ZNF609: variants seen among roughly 807,000 people sequenced by gnomAD.
ZNF609 encodes the protein zinc finger protein 609.
Under a neutral mutation model 109.5 loss-of-function variants are expected in ZNF609, and 11 were observed. The ratio of observed to expected loss-of-function variants is 0.10; its 90% confidence interval spans 0.06 to 0.17. ZNF609 has a LOEUF of 0.17. Ranked by LOEUF, ZNF609 falls within the 10% of genes least tolerant of loss-of-function variation. The pLI is 1.00. For synonymous variants in ZNF609, 646 were observed against 662.0 expected, an observed-to-expected ratio of 0.98 and a Z score of 0.37; for missense variants, 1,559 against 1,772.4, an observed-to-expected ratio of 0.88 and a Z score of 2.16.
In ZNF609 at chr15:64,659,025, C is replaced by T. The variant is rs190944640; in HGVS notation, c.974-11321C>T. Among the ~76,000 whole-genome samples the T allele has an allele frequency of 3.9e-3, 591 of 152,074 alleles. 4 individuals are homozygous for T. The highest frequency in any genetic ancestry group is 0.011 in the African/African-American group (455 of 41,474). ...GGCCAGGCTAGTGTCCAACTGGCCT[C>T]AAGTGATCTGCTCACCTCAGCCTCC... On this transcript the variant is annotated intron_variant, in intron 3 of 9. Transcript: ENST00000326648.
chr15:64,506,445 G>T (rs994832981), intron 2 of ZNF609, among the ~76,000 whole-genome samples: 2 of 150,050 alleles, frequency 1.3e-5, no homozygotes, highest in Non-Finnish European at 3.0e-5. Flanking sequence ...TTTAGGCCGG[G>T]CGCGGTGGCT....
intron 3 of ZNF609, among the ~76,000 whole-genome samples, chr15:64,653,666 A>AT: frequency 6.6e-6 from 1 of 151,922 alleles, no homozygotes; most frequent in African/African-American, 2.4e-5. Context: ...AAATAAATAA[A>AT]AAATAAACTT....
chr15:64,627,562 G>GA (rs1037892487), intron 3 of ZNF609, among the ~76,000 whole-genome samples: 66 of 151,718 alleles, frequency 4.4e-4, no homozygotes, highest in African/African-American at 1.6e-3. Flanking sequence ...TATGACCTTG[G>GA]AAAAATCCCT....
chr15:64,597,742 A>C (rs1424482400), intron 2 of ZNF609, among the ~76,000 whole-genome samples: 4 of 152,170 alleles, frequency 2.6e-5, no homozygotes. Context: ...TCTTTAGGTT[A>C]TGAATATCTA....
chr15:64,654,505 T>C (rs748425965), intron 3 of ZNF609: 12 of 152,274 alleles, frequency 7.9e-5, no homozygotes, highest in Non-Finnish European at 1.8e-4. Context: ...CTTGTAATGT[T>C]GACCAGGCTG....
chr15:64,658,734 C>T (rs1009222571), intron 3 of ZNF609, among the ~76,000 whole-genome samples: 9 of 151,134 alleles, frequency 6.0e-5, no homozygotes, highest in African/African-American at 2.2e-4. Context: ...GAGGTTGAGG[C>T]TTCAGTGAGC....
At chr15:64,534,554 A>G (rs1439540624) in intron 2 of ZNF609, among the ~76,000 whole-genome samples, 1 of 152,004 alleles carries the variant, frequency 6.6e-6, no homozygotes, top group Non-Finnish European at 1.5e-5. Context: ...ACCTTAGGTG[A>G]TCTGCCCACC....
chr15:64,491,298 A>G (rs796575622), intron 1 of ZNF609, among the ~76,000 whole-genome samples: 13 of 152,304 alleles, frequency 8.5e-5, no homozygotes, highest in African/African-American at 3.1e-4. Context: ...AGGATGGTTT[A>G]CATGTTGTAG....
chr15:64,600,085 GGCCAAGGT>G (rs1445308661), intron 2 of ZNF609, among the ~76,000 whole-genome samples: 5 of 152,134 alleles, frequency 3.3e-5, no homozygotes, highest in Admixed American at 6.6e-5. Context: ...CAGTTTGGGA[GGCCAAGGT>G]GGGCAGATAA....
chr15:64,608,264 C>A (rs532894127), intron 2 of ZNF609, among the ~76,000 whole-genome samples: 14 of 152,150 alleles, frequency 9.2e-5, no homozygotes, highest in Non-Finnish European at 1.8e-4. Flanking sequence ...AATAAAAGTT[C>A]TTTGGGGTTC....
At chr15:64,541,220 G>T (rs879343863) in intron 2 of ZNF609, among the ~76,000 whole-genome samples, 1 of 151,518 alleles carries the variant, frequency 6.6e-6, no homozygotes, top group African/African-American at 2.4e-5. Flanking sequence ...GAGGTCAGGA[G>T]ATCGAGACCA....
intron 2 of ZNF609, among the ~76,000 whole-genome samples, chr15:64,587,994 C>G (rs1895225849): frequency 6.6e-6 from 1 of 151,708 alleles, no homozygotes; most frequent in Admixed American, 6.6e-5. Flanking sequence ...CCCGCCTCAG[C>G]CTCCCAAAGT....
At chr15:64,529,035 A>G (rs1407418013) in intron 2 of ZNF609, 3 of 1,464,114 alleles carry the variant, frequency 2.0e-6, no homozygotes, top group Non-Finnish European at 2.8e-6. Flanking sequence ...CAGGCTTGGC[A>G]GCGCCAGTAG....
intron 3 of ZNF609, among the ~76,000 whole-genome samples, chr15:64,647,272 T>C (rs1180806504): frequency 6.6e-6 from 1 of 152,114 alleles, no homozygotes; most frequent in African/African-American, 2.4e-5. Flanking sequence ...TACATTTATA[T>C]AGACAGAAAG....
intron 2 of ZNF609, among the ~76,000 whole-genome samples, chr15:64,583,020 G>A (rs375873753): frequency 2.0e-5 from 3 of 150,962 alleles, no homozygotes; most frequent in East Asian, 4.0e-4. Flanking sequence ...CAAAGTGCTG[G>A]GATTACAGGC....
At chr15:64,574,188 T>G (rs1430309036) in intron 2 of ZNF609, among the ~76,000 whole-genome samples, 3 of 150,970 alleles carry the variant, frequency 2.0e-5, no homozygotes, top group Non-Finnish European at 4.4e-5. Flanking sequence ...TTTTTTTTTT[T>G]TTTTTTTTGG....
At chr15:64,481,319 C>CT (rs889184379) in intron 1 of ZNF609, among the ~76,000 whole-genome samples, 4,748 of 127,244 alleles carry the variant, frequency 0.037, 190 homozygotes, top group African/African-American at 0.086. Flanking sequence ...TTTCTTTTTT[C>CT]TTTTTTTTTT....
intron 3 of ZNF609, among the ~76,000 whole-genome samples, chr15:64,641,215 C>CTTTTTTTTTTTT (rs1437729494): frequency 2.8e-4 from 5 of 18,128 alleles, no homozygotes; most frequent in Admixed American, 1.6e-3. Flanking sequence ...TACACTTGTG[C>CTTTTTTTTTTTT]TTTCTTTTTT....
intron 2 of ZNF609, among the ~76,000 whole-genome samples, chr15:64,546,859 C>T (rs1279956778): frequency 7.3e-5 from 11 of 149,802 alleles, no homozygotes; most frequent in African/African-American, 9.9e-5. Flanking sequence ...GGCGTGATCC[C>T]GGCTCACTGC....
Sources: allele counts gnomAD v4.1 joint callset (sites outside exome capture counted in the v4.1 genomes callset), GRCh38; gene constraint gnomAD v4.1.1; transcripts MANE v1.5; gene names NCBI Gene and HGNC (gene_info 2026-07-23, HGNC 2026-07-21).